Variants in CTNND2 observed in about 807,000 individuals in gnomAD.
The protein encoded by CTNND2 is catenin delta-2.
Under a neutral mutation model 144.4 loss-of-function variants are expected in CTNND2, and 22 were observed. The ratio of observed to expected loss-of-function variants is 0.15; its 90% CI spans 0.11 to 0.22. CTNND2 has a LOEUF of 0.22. Among genes scored for constraint, CTNND2 ranks in the 10% least tolerant of loss-of-function variants. CTNND2 has a pLI of 1.00. For missense variants in CTNND2, 1,353 were observed against 1,618.8 expected (o/e 0.84, Z 2.82); for synonymous variants, 751 against 695.6 (o/e 1.08, Z -1.25).
intron 1 of CTNND2, among the ~76,000 whole-genome samples, chr5:11,789,818 C>A (rs1445123894): frequency 6.6e-6 from 1 of 152,184 alleles, no homozygotes; most frequent in East Asian, 1.9e-4. Context: ...TCTCATATTT[C>A]ACCACTGAAT....
chr5:11,286,872 C>G (rs973064260), intron 9 of CTNND2, among the ~76,000 whole-genome samples: 4 of 152,208 alleles, frequency 2.6e-5, no homozygotes, highest in African/African-American at 9.7e-5. Context: ...GACACATGCA[C>G]AAGAACAGTC....
intron 6 of CTNND2, among the ~76,000 whole-genome samples, chr5:11,387,762 AC>A (rs1324186729): frequency 2.0e-5 from 3 of 152,202 alleles, no homozygotes; most frequent in African/African-American, 7.2e-5. Context: ...CTTAGAGTAC[AC>A]TAACGATGCC....
chr5:11,539,430 T>G (rs918417480), intron 3 of CTNND2, among the ~76,000 whole-genome samples: 13 of 152,210 alleles, frequency 8.5e-5, no homozygotes, highest in African/African-American at 3.1e-4. Flanking sequence ...CTCTCAGCCC[T>G]AATTAAGTGT....
chr5:11,462,786 C>T (rs1766332836), intron 3 of CTNND2, among the ~76,000 whole-genome samples: 1 of 151,756 alleles, frequency 6.6e-6, no homozygotes, highest in Non-Finnish European at 1.5e-5. Context: ...AAGAAATGAG[C>T]TATCACTCTA....
chr5:11,776,457 G>T (rs538588089), intron 1 of CTNND2, among the ~76,000 whole-genome samples: 1 of 152,140 alleles, frequency 6.6e-6, no homozygotes, highest in South Asian at 2.1e-4. Flanking sequence ...AGAGAAGGGG[G>T]TAAGTAATAG....
intron 9 of CTNND2, among the ~76,000 whole-genome samples, chr5:11,245,094 C>T (rs1742859241): frequency 6.6e-6 from 1 of 152,304 alleles, no homozygotes; most frequent in Admixed American, 6.5e-5. Flanking sequence ...TTGATTATTT[C>T]CTTACAAGTA....
intron 17 of CTNND2, among the ~76,000 whole-genome samples, chr5:11,018,761 A>C (rs1457022277): frequency 7.5e-6 from 1 of 132,506 alleles, no homozygotes; most frequent in Non-Finnish European, 1.5e-5. Context: ...CCTAGGCTGG[A>C]GTGCAGTGGC....
intron 10 of CTNND2, among the ~76,000 whole-genome samples, chr5:11,215,478 T>C (rs79598035): frequency 2.2e-3 from 338 of 152,348 alleles, no homozygotes; most frequent in African/African-American, 7.7e-3. Context: ...AGATGCCTTG[T>C]TTTCTTTAAT....
At chr5:11,027,490 T>C (rs892104638) in intron 16 of CTNND2, among the ~76,000 whole-genome samples, 3 of 152,150 alleles carry the variant, frequency 2.0e-5, no homozygotes, top group Admixed American at 1.3e-4. Context: ...GTCTGATTTT[T>C]GCAATACTGG....
At chr5:11,481,698 T>C (rs1768284347) in intron 3 of CTNND2, among the ~76,000 whole-genome samples, 1 of 151,860 alleles carries the variant, frequency 6.6e-6, no homozygotes, top group African/African-American at 2.4e-5. Flanking sequence ...AGAGAGAACC[T>C]AAAAGGAATT....
intron 9 of CTNND2, among the ~76,000 whole-genome samples, chr5:11,261,610 C>T (rs1419203318): frequency 1.3e-5 from 2 of 152,254 alleles, no homozygotes; most frequent in Non-Finnish European, 2.9e-5. Flanking sequence ...TTCTCTAGCT[C>T]TGGATGGTGG....
intron 9 of CTNND2, among the ~76,000 whole-genome samples, chr5:11,307,143 A>C (rs1394360565): frequency 2.6e-5 from 4 of 151,832 alleles, no homozygotes; most frequent in Non-Finnish European, 4.4e-5. Context: ...GTCATTTATC[A>C]GTCTCTAAGA....
intron 8 of CTNND2, among the ~76,000 whole-genome samples, chr5:11,355,502 T>A (rs763566352): frequency 6.6e-6 from 1 of 151,774 alleles, no homozygotes. Context: ...ACAAATTAGG[T>A]ATAGAAAGTG....
chr5:11,449,448 G>A (rs754254212), intron 3 of CTNND2, among the ~76,000 whole-genome samples: 1 of 152,108 alleles, frequency 6.6e-6, no homozygotes, highest in Non-Finnish European at 1.5e-5. Flanking sequence ...ACAAGATTTG[G>A]ATCAGTCTTT....
At chr5:11,280,320 G>A (rs1452141262) in intron 9 of CTNND2, among the ~76,000 whole-genome samples, 1 of 152,174 alleles carries the variant, frequency 6.6e-6, no homozygotes, top group Non-Finnish European at 1.5e-5. Context: ...TAGTGTTTTA[G>A]ACTGCTCTGC....
intron 9 of CTNND2, among the ~76,000 whole-genome samples, chr5:11,323,235 G>GGA (rs1554032325): frequency 1.4e-5 from 2 of 147,016 alleles, no homozygotes; most frequent in Admixed American, 1.4e-4. Flanking sequence ...AGAGATTGGG[G>GGA]GGGGGGGTCT....
rs114400505 is a variant in CTNND2, at chr5:11,775,446, G to A, written c.38-43174C>T. Among the ~76,000 whole-genome samples, 70 of 152,302 alleles carry A rather than the reference G, an allele frequency of 4.6e-4. 1 individual carries two copies. Among genetic ancestry groups the A allele is most frequent in the African/African-American group, 1.6e-3 (68 of 41,556 alleles). On this transcript the variant is annotated intron_variant, in intron 1 of 21. Transcript: ENST00000304623. ...GACGAGAGAAGCACAGGAAGGTTCC[G>A]TAAGCACTCAATAACTGTCTAGCAT...
intron 2 of CTNND2, among the ~76,000 whole-genome samples, chr5:11,598,163 A>C (rs1779612719): frequency 6.6e-6 from 1 of 152,200 alleles, no homozygotes; most frequent in African/African-American, 2.4e-5. Flanking sequence ...AATTTGTCCA[A>C]AATCATGTTT....
chr5:11,150,954 T>C (rs2149752798), intron 12 of CTNND2, among the ~76,000 whole-genome samples: 1 of 152,278 alleles, frequency 6.6e-6, no homozygotes, highest in Non-Finnish European at 1.5e-5. Context: ...GTGCCTTTCA[T>C]GCCTCTCATT....
Sources: allele counts gnomAD v4.1 joint callset (sites outside exome capture counted in the v4.1 genomes callset), GRCh38; gene constraint gnomAD v4.1.1; transcripts MANE v1.5; gene names NCBI Gene and HGNC (gene_info 2026-07-23, HGNC 2026-07-21).